ROBO1: variants seen among roughly 807,000 people sequenced by gnomAD.
The protein encoded by ROBO1 is roundabout homolog 1.
A neutral mutation model predicts 195.9 loss-of-function variants in ROBO1; 149 were observed. The ratio of observed to expected loss-of-function variants is 0.76; its 90% confidence interval spans 0.67 to 0.87. ROBO1 has a LOEUF of 0.87. ROBO1 is among the 40% of genes least tolerant of loss of function. The pLI, the probability that ROBO1 is intolerant of heterozygous loss-of-function variation, is 0.00. For missense variants in ROBO1, 1,933 were observed against 2,068.3 expected, an observed-to-expected ratio of 0.93 and a Z score of 1.27; for synonymous variants, 816 against 733.2, an observed-to-expected ratio of 1.11 and a Z score of -1.82.
chr3:79,069,561 T>C (rs572896049), intron 3 of ROBO1, among the ~76,000 whole-genome samples: 3 of 151,948 alleles, frequency 2.0e-5, no homozygotes, highest in African/African-American at 7.2e-5. Flanking sequence ...ATTCTTGACA[T>C]GTCAACAAAG....
chr3:79,198,330 C>T (rs2081684586), intron 2 of ROBO1, among the ~76,000 whole-genome samples: 1 of 151,972 alleles, frequency 6.6e-6, no homozygotes, highest in Non-Finnish European at 1.5e-5. Flanking sequence ...TCAAATTTGT[C>T]AAAGATAAGA....
At chr3:79,052,603 C>T (rs2078722732) in intron 3 of ROBO1, among the ~76,000 whole-genome samples, 1 of 152,104 alleles carries the variant, frequency 6.6e-6, no homozygotes, top group South Asian at 2.1e-4. Context: ...ACAGAACCTG[C>T]CGACATGTGA....
intron 8 of ROBO1, among the ~76,000 whole-genome samples, chr3:78,701,853 T>C (rs2081428560): frequency 6.6e-6 from 1 of 152,200 alleles, no homozygotes; most frequent in Admixed American, 6.5e-5. Flanking sequence ...CATAAATCTG[T>C]TATAAAGCAA....
At chr3:78,781,661 A>G (rs2083681089) in intron 4 of ROBO1, among the ~76,000 whole-genome samples, 1 of 152,058 alleles carries the variant, frequency 6.6e-6, no homozygotes, top group African/African-American at 2.4e-5. Context: ...TGATTCCAAT[A>G]TACAGATAAG....
intron 5 of ROBO1, among the ~76,000 whole-genome samples, chr3:78,725,887 T>C (rs1198105483): frequency 6.6e-6 from 1 of 152,132 alleles, no homozygotes; most frequent in East Asian, 1.9e-4. Flanking sequence ...GTCTTCATTT[T>C]CTACCCTAAA....
At chr3:79,642,881 A>G (rs1945707782) in intron 1 of ROBO1, among the ~76,000 whole-genome samples, 1 of 152,200 alleles carries the variant, frequency 6.6e-6, no homozygotes, top group Admixed American at 6.5e-5. Context: ...TAACATTGTA[A>G]GTATGGTATA....
chr3:79,502,583 C>A (rs1488313918), intron 2 of ROBO1, among the ~76,000 whole-genome samples: 1 of 152,188 alleles, frequency 6.6e-6, no homozygotes, highest in Admixed American at 6.5e-5. Flanking sequence ...GTCCCATCCA[C>A]TGCCCAAGGG....
rs542767251 is a variant in ROBO1, at chr3:79,593,308, A to G, written c.-50-3347T>C. Among the ~76,000 whole-genome samples the G allele has an allele frequency of 2.0e-3, 308 of 152,196 alleles. 2 individuals are homozygous for G. The highest frequency in any genetic ancestry group is 3.3e-3 in the Non-Finnish European group (221 of 67,992). ...GGTTGTTCAATTATATGGTAAGACA[A>G]TGCTTATTATTGCAAGAAACTGTCA... On this transcript the variant is annotated intron_variant, in intron 1 of 30. Coordinates refer to ENST00000464233, the MANE Select transcript of ROBO1 (RefSeq NM_002941.4).
At chr3:79,323,559 G>C (rs1321276213) in intron 2 of ROBO1, among the ~76,000 whole-genome samples, 4 of 152,084 alleles carry the variant, frequency 2.6e-5, no homozygotes, top group Non-Finnish European at 5.9e-5. Flanking sequence ...CATCAATTCT[G>C]AAGCCAAATA....
intron 1 of ROBO1, among the ~76,000 whole-genome samples, chr3:79,593,869 G>C (rs1944080739): frequency 6.6e-6 from 1 of 151,918 alleles, no homozygotes; most frequent in Admixed American, 6.6e-5. Flanking sequence ...TGCCCGCTTT[G>C]GCCTCCCAAA....
intron 2 of ROBO1, among the ~76,000 whole-genome samples, chr3:79,445,980 T>C (rs542096274): frequency 6.6e-6 from 1 of 152,150 alleles, no homozygotes; most frequent in South Asian, 2.1e-4. Context: ...AACTTTTTCA[T>C]AGACACAGGG....
Position 79,498,505 on chromosome 3 carries a change from T to C in ROBO1, c.88+91319A>G, listed in dbSNP as rs113030506. 6.4e-3 allele frequency among the ~76,000 whole-genome samples: 971 copies of C among 152,310 alleles called. 7 individuals carry two copies. The highest frequency in any genetic ancestry group is 0.021 in the African/African-American group (884 of 41,560). Reference sequence around the variant, plus strand: ...ATCTTATTTCTGTAATTCGACAGTATACCTTGTCCTAAAAAACAGTTTAAA... The same window carrying C: ...ATCTTATTTCTGTAATTCGACAGTACACCTTGTCCTAAAAAACAGTTTAAA... On this transcript the variant is annotated intron_variant, in intron 2 of 30. Coordinates refer to ENST00000464233, the MANE Select transcript of ROBO1 (RefSeq NM_002941.4).
chr3:79,763,276 T>C (rs1704811103), intron 1 of ROBO1, among the ~76,000 whole-genome samples: 2 of 151,982 alleles, frequency 1.3e-5, no homozygotes, highest in South Asian at 2.1e-4. Context: ...AATGCAGAAA[T>C]ATAATGAAGA....
In ROBO1 at chr3:78,627,466, G is replaced by A. The variant is rs372853961; in HGVS notation, c.3730C>T (p.Arg1244Trp). 9 of 1,612,886 alleles carry A rather than the reference G, an allele frequency of 5.6e-6. No homozygotes were observed. In the South Asian group the frequency reaches 7.7e-5, roughly 14 times the overall value. The change falls in exon 26 of 31, where the codon CGG (arginine) becomes TGG (tryptophan). Residue 1244 changes from arginine to tryptophan, a missense_variant. Arg to Trp is a moderately radical substitution (Grantham distance 101). Around this residue, in one of 3 missense-constraint regions of ROBO1, gnomAD observed 1,737 missense variants for 1,882.5 expected, o/e 0.92. Coordinates refer to ENST00000464233, the MANE Select transcript of ROBO1 (RefSeq NM_002941.4). ...GCAGCTGGAGAAGAAGCTGCTCCCC[G>A]AACAGGGGGAGTGGGGCCTCGTTCA... ...EDERGPTPPVRGAASSPAAVS... is the reference protein window; with the variant it reads ...EDERGPTPPVWGAASSPAAVS...
chr3:79,012,220 T>C (rs1018924293), intron 3 of ROBO1, among the ~76,000 whole-genome samples: 11 of 152,228 alleles, frequency 7.2e-5, no homozygotes, highest in Non-Finnish European at 8.8e-5. Flanking sequence ...TACTGTATTA[T>C]TAGGAACCAA....
intron 26 of ROBO1, among the ~76,000 whole-genome samples, chr3:78,622,863 G>A (rs1326886787): frequency 6.6e-6 from 1 of 152,190 alleles, no homozygotes; most frequent in Non-Finnish European, 1.5e-5. Flanking sequence ...TGTGGAAAGA[G>A]ACAGAGGTCA....
At chr3:79,462,416 T>G (rs534137374) in intron 2 of ROBO1, among the ~76,000 whole-genome samples, 11 of 152,348 alleles carry the variant, frequency 7.2e-5, no homozygotes, top group African/African-American at 2.2e-4. Context: ...TTTTGTTCTA[T>G]TACTTGTATA....
At chr3:79,300,243 G>A (rs2032840496) in intron 2 of ROBO1, among the ~76,000 whole-genome samples, 1 of 152,214 alleles carries the variant, frequency 6.6e-6, no homozygotes, top group East Asian at 1.9e-4. Flanking sequence ...GGGAACTGCG[G>A]CTGCGCTCGG....
intron 4 of ROBO1, among the ~76,000 whole-genome samples, chr3:78,932,518 G>A (rs2107653768): frequency 6.6e-6 from 1 of 152,296 alleles, no homozygotes; most frequent in South Asian, 2.1e-4. Context: ...ACTGAACACA[G>A]TTATATTGAC....
Sources: allele counts gnomAD v4.1 joint callset (sites outside exome capture counted in the v4.1 genomes callset), GRCh38; gene constraint gnomAD v4.1.1; regional missense constraint gnomAD v4.1.1; transcripts MANE v1.5; gene names NCBI Gene and HGNC (gene_info 2026-07-23, HGNC 2026-07-21).